The following NCK2 variants were observed in gnomAD, a reference collection of about 807,000 sequenced individuals.
The protein encoded by NCK2 is NCK adaptor protein 2, also known as cytoplasmic protein NCK2.
NCK2 carries 16 observed loss-of-function variants against 33.9 expected under a neutral mutation model. That is an observed-to-expected ratio of 0.47 (90% confidence interval 0.32 to 0.72). The LOEUF (loss-of-function observed/expected upper bound fraction) is 0.72. NCK2 is among the 30% of genes least tolerant of loss of function. The pLI, the probability that NCK2 is intolerant of heterozygous loss-of-function variation, is 0.03. For missense variants in NCK2, 418 were observed against 537.3 expected (o/e 0.78, Z 2.19); for synonymous variants, 273 against 239.9 (o/e 1.14, Z -1.27).
intron 2 of NCK2, among the ~76,000 whole-genome samples, chr2:105,820,072 G>A (rs965698727): frequency 5.7e-4 from 87 of 152,324 alleles, no homozygotes; most frequent in Non-Finnish European, 1.1e-3. Flanking sequence ...CCCTTTAGGG[G>A]ACAGTATGGA....
Position 105,871,430 on chromosome 2 carries a change from G to A in NCK2, c.227-9898G>A, listed in dbSNP as rs76807242. The stretch of plus-strand genomic sequence containing the variant: ...GGCCAGTGGTGTTTCCTCATGGGCT[G>A]TGTTGCCTGCAGTCTGCTCAGGGAG... On this transcript the variant is annotated intron_variant, in intron 3 of 4. Transcript: ENST00000233154. Among the ~76,000 whole-genome samples the A allele has an allele frequency of 2.8e-3, 428 of 152,236 alleles. 19 individuals carry two copies. In the East Asian group the frequency reaches 0.06, roughly 21 times the overall value.
intron 2 of NCK2, among the ~76,000 whole-genome samples, chr2:105,834,063 T>C (rs934101980): frequency 6.6e-6 from 1 of 152,266 alleles, no homozygotes; most frequent in Non-Finnish European, 1.5e-5. Context: ...CCAAACATAC[T>C]GTAAATCCTA....
At chr2:105,807,559 A>G (rs1339912751) in intron 1 of NCK2, among the ~76,000 whole-genome samples, 3 of 152,038 alleles carry the variant, frequency 2.0e-5, no homozygotes, top group Admixed American at 6.5e-5. Context: ...CCTCCTTCCT[A>G]GGGTGGTGTG....
At chr2:105,837,599 T>A (rs1487254101) in intron 2 of NCK2, among the ~76,000 whole-genome samples, 3 of 152,168 alleles carry the variant, frequency 2.0e-5, no homozygotes, top group Admixed American at 2.0e-4. Context: ...AGTGCAAGAG[T>A]TTCTGTACTG....
At chr2:105,866,558 A>G (rs1221599721) in intron 3 of NCK2, among the ~76,000 whole-genome samples, 1 of 152,234 alleles carries the variant, frequency 6.6e-6, no homozygotes, top group Non-Finnish European at 1.5e-5. Flanking sequence ...TAGATGCTCA[A>G]AAGGAGCTCA....
rs1485635849 is a variant in NCK2, at chr2:105,891,878, CAT to C, written c.949-1103_949-1102del. Among the ~76,000 whole-genome samples, 5 of 152,092 alleles carry C rather than the reference CAT, an allele frequency of 3.3e-5. No homozygotes were observed. In the East Asian group the frequency reaches 9.6e-4, roughly 29 times the overall value. ...AGACACATTTTAATTAAAATAATGA[CAT>C]GTTTCTAAAATATTCTGAAATAGAA... On this transcript the variant is annotated intron_variant, in intron 4 of 4. Coordinates refer to ENST00000233154, the MANE Select transcript of NCK2 (RefSeq NM_003581.5).
At chr2:105,847,940 C>T (rs1676916276) in intron 2 of NCK2, among the ~76,000 whole-genome samples, 1 of 152,072 alleles carries the variant, frequency 6.6e-6, no homozygotes, top group Non-Finnish European at 1.5e-5. Context: ...ATTGGGATCT[C>T]TTCGTAAAAC....
intron 1 of NCK2, among the ~76,000 whole-genome samples, chr2:105,773,887 T>TA (rs1219265729): frequency 6.6e-6 from 1 of 152,194 alleles, no homozygotes; most frequent in Admixed American, 6.5e-5. Flanking sequence ...AGTCTTTTCT[T>TA]TAACTGTTTT....
chr2:105,791,201 T>G (rs1690869707), intron 1 of NCK2, among the ~76,000 whole-genome samples: 2 of 152,234 alleles, frequency 1.3e-5, no homozygotes, highest in African/African-American at 4.8e-5. Context: ...TCTCTAATCC[T>G]TCCTTCCAGG....
chr2:105,795,978 G>T (rs1691070325), intron 1 of NCK2, among the ~76,000 whole-genome samples: 1 of 152,196 alleles, frequency 6.6e-6, no homozygotes, highest in South Asian at 2.1e-4. Flanking sequence ...TACCAGTCTT[G>T]TAAAAAGAGC....
chr2:105,779,288 C>G (rs1368906175), intron 1 of NCK2, among the ~76,000 whole-genome samples: 1 of 118,238 alleles, frequency 8.5e-6, no homozygotes, highest in Non-Finnish European at 1.6e-5. Context: ...GCCTGGGCAA[C>G]AGGGCGAGAC....
intron 1 of NCK2, among the ~76,000 whole-genome samples, chr2:105,777,697 G>T (rs1690358360): frequency 6.6e-6 from 1 of 152,178 alleles, no homozygotes; most frequent in Admixed American, 6.5e-5. Context: ...GGTCCTGTGT[G>T]TAGAGCCACT....
Position 105,855,218 on chromosome 2 carries a change from C to T in NCK2, c.155C>T (p.Pro52Leu). The T allele has an allele frequency of 1.2e-6, 2 of 1,613,966 alleles. No individual in the cohort carries two copies. The highest frequency in any genetic ancestry group is 8.5e-7 in the Non-Finnish European group (1 of 1,179,974). The change falls in exon 3 of 5, where the codon CCG becomes CTG. Residue 52 changes from proline (P) to leucine (L), a missense_variant. Coordinates refer to ENST00000233154, the MANE Select transcript of NCK2 (RefSeq NM_003581.5). The part of the protein sequence containing the change: ...RNAANRTGYV[P>L]SNYVERKNSL... ...GCGGCCAACAGGACGGGCTATGTAC[C>T]GTCCAACTACGTGGAGCGGAAGAAC...
intron 2 of NCK2, among the ~76,000 whole-genome samples, chr2:105,832,991 GT>G (rs1676257717): frequency 8.0e-6 from 1 of 125,264 alleles, no homozygotes; most frequent in Non-Finnish European, 1.7e-5. Context: ...TCTTTTCTTT[GT>G]TGGGAGACTT....
chr2:105,765,807 G>GTGTC (rs1377527672), intron 1 of NCK2, among the ~76,000 whole-genome samples: 1 of 151,528 alleles, frequency 6.6e-6, no homozygotes, highest in Non-Finnish European at 1.5e-5. Context: ...GTGTGTGTGT[G>GTGTC]TGTGTGTGTC....
At chr2:105,853,754 A>G (rs1484770806) in intron 2 of NCK2, 1 of 152,276 alleles carries the variant, frequency 6.6e-6, no homozygotes, top group Non-Finnish European at 1.5e-5. Flanking sequence ...AACAAGGAAG[A>G]GTGGGCATTT....
At chr2:105,803,182 G>A (rs146553681) in intron 1 of NCK2, among the ~76,000 whole-genome samples, 26 of 152,214 alleles carry the variant, frequency 1.7e-4, no homozygotes, top group African/African-American at 5.8e-4. Flanking sequence ...TAAGATAGTT[G>A]TTAATATAAA....
intron 1 of NCK2, among the ~76,000 whole-genome samples, chr2:105,807,419 A>C (rs17031813): frequency 0.27 from 41,052 of 152,246 alleles, 6,142 homozygotes; most frequent in Middle Eastern, 0.36. Flanking sequence ...TTCTTTGTAG[A>C]AATAAAAAGT....
intron 1 of NCK2, among the ~76,000 whole-genome samples, chr2:105,810,871 A>T (rs1675268531): frequency 6.6e-6 from 1 of 152,210 alleles, no homozygotes; most frequent in South Asian, 2.1e-4. Context: ...TCTTAAATTT[A>T]TATTAATATT....
Sources: allele counts gnomAD v4.1 joint callset (sites outside exome capture counted in the v4.1 genomes callset), GRCh38; gene constraint gnomAD v4.1.1; transcripts MANE v1.5; gene names NCBI Gene and HGNC (gene_info 2026-07-23, HGNC 2026-07-21).